Variants in PIWIL2 observed in about 807,000 individuals in gnomAD.
The protein encoded by PIWIL2 is piwi-like protein 2.
Under a neutral mutation model 116.5 loss-of-function variants are expected in PIWIL2, and 81 were observed. That is an observed-to-expected ratio of 0.70 (90% CI 0.58 to 0.84). The LOEUF is 0.84. Ranked by LOEUF, PIWIL2 falls within the 40% of genes least tolerant of loss-of-function variation. PIWIL2 has a pLI of 0.00. For missense variants in PIWIL2, 1,272 were observed against 1,212.3 expected, an observed-to-expected ratio of 1.05 and a Z score of -0.73; for synonymous variants, 489 against 429.5, an observed-to-expected ratio of 1.14 and a Z score of -1.71.
intron 20 of PIWIL2, chr8:22,321,785 T>A (rs765020591): frequency 7.6e-6 from 6 of 788,396 alleles, no homozygotes; most frequent in East Asian, 1.3e-4. Context: ...CAAATTTGCT[T>A]TGGGGTTCTA....
At chr8:22,325,228 A>G (rs919827877) in intron 20 of PIWIL2, among the ~76,000 whole-genome samples, 1 of 152,194 alleles carries the variant, frequency 6.6e-6, no homozygotes, top group African/African-American at 2.4e-5. Context: ...CCTTCGATTC[A>G]GCAGAAAAAG....
intron 17 of PIWIL2, 72 bp downstream of exon 17, chr8:22,314,501 T>C (rs1378779481): frequency 2.9e-6 from 2 of 691,066 alleles, no homozygotes; most frequent in Non-Finnish European, 4.7e-6. Flanking sequence ...GAGGGATATG[T>C]GTGTTCACAA....
chr8:22,347,825 CAG>C (rs962018815), intron 20 of PIWIL2, among the ~76,000 whole-genome samples: 7 of 152,100 alleles, frequency 4.6e-5, no homozygotes, highest in African/African-American at 1.7e-4. Context: ...CCACTCCTGG[CAG>C]ACTCATTCTT....
Position 22,279,428 on chromosome 8 carries a change from C to G in PIWIL2, c.42C>G (p.Ile14Met). The G allele has an allele frequency of 6.2e-7, 1 of 1,614,164 alleles. No individual in the cohort carries two copies. The highest frequency in any genetic ancestry group is 8.5e-7 in the Non-Finnish European group (1 of 1,180,004). ...FRPSFRGQSP[I>M]HPSQCQAVRM... ...CATCGTTCAGGGGCCAGTCTCCTAT[C>G]CACCCATCCCAGTGCCAGGCTGTAC... The change falls in exon 2 of 23, where the codon ATC becomes ATG. Residue 14 changes from isoleucine to methionine, a missense_variant. By Grantham distance (10) the Ile-to-Met change is conservative. Transcript: ENST00000356766.
intron 17 of PIWIL2, among the ~76,000 whole-genome samples, chr8:22,314,641 C>G (rs753089448): frequency 1.3e-5 from 2 of 152,164 alleles, no homozygotes; most frequent in Admixed American, 6.5e-5. Context: ...TGAACAGTTT[C>G]GCTTGTTCCG....
At chr8:22,351,264 G>T (rs1391129988) in intron 20 of PIWIL2, among the ~76,000 whole-genome samples, 1 of 150,700 alleles carries the variant, frequency 6.6e-6, no homozygotes, top group South Asian at 2.1e-4. Context: ...AGCTGCAGTG[G>T]CTATGATTAC....
At chr8:22,282,024 C>T (rs1418453778) in intron 4 of PIWIL2, among the ~76,000 whole-genome samples, 1 of 149,656 alleles carries the variant, frequency 6.7e-6, no homozygotes, top group Non-Finnish European at 1.5e-5. Context: ...CCACCCACCT[C>T]GGCCTCCCAA....
rs766567755 is a variant in PIWIL2, at chr8:22,353,212, G to A, written c.2657G>A (p.Trp886Ter). 6.2e-7 allele frequency: 1 copy of A among 1,607,964 alleles called. No individual in the cohort carries two copies. The change falls in exon 21 of 23, where the codon TGG (tryptophan) becomes TAG (stop). Residue 886 changes from tryptophan to a stop codon, truncating the protein, a stop_gained and splice_region_variant. Transcript: ENST00000356766. LOFTEE classifies it high-confidence loss of function. ...VVDHTITSCE[W>*]VDFYLLAHHV... ...GATCATACAATAACAAGCTGTGAGT[G>A]GTAAGTGAGCAAAATATGTAGTATT...
chr8:22,353,121 A>G lies in PIWIL2; in HGVS notation c.2566A>G (p.Ile856Val), dbSNP rs1324911826. The part of the protein sequence containing the change: ...KMVVFVVQKK[I>V]STNLYLAAPQ... ...GGTGGTGTTTGTAGTTCAGAAGAAA[A>G]TCAGTACTAATCTATATCTGGCTGC... The change falls in exon 21 of 23, where the codon ATC becomes GTC. Residue 856 changes from isoleucine (I) to valine (V), a missense_variant. Coordinates refer to ENST00000356766, the MANE Select transcript of PIWIL2 (RefSeq NM_018068.5). The G allele has an allele frequency of 6.2e-7, 1 of 1,614,024 alleles. No individual in the cohort carries two copies. Among genetic ancestry groups the G allele is most frequent in the Non-Finnish European group, 8.5e-7 (1 of 1,179,848 alleles).
intron 21 of PIWIL2, among the ~76,000 whole-genome samples, chr8:22,353,616 C>A (rs1832423329): frequency 6.6e-6 from 1 of 151,944 alleles, no homozygotes; most frequent in Non-Finnish European, 1.5e-5. Context: ...CCAGCCTGGG[C>A]AACAGAGAGA....
At chr8:22,278,202 A>G (rs1259102554) in intron 1 of PIWIL2, among the ~76,000 whole-genome samples, 5 of 151,482 alleles carry the variant, frequency 3.3e-5, no homozygotes, top group Non-Finnish European at 7.4e-5. Context: ...GAAATTGTTT[A>G]TAAACCAAAG....
chr8:22,278,449 G>A (rs981971010), intron 1 of PIWIL2, among the ~76,000 whole-genome samples: 2 of 152,192 alleles, frequency 1.3e-5, no homozygotes, highest in Non-Finnish European at 1.5e-5. Context: ...GAGCCCAGGA[G>A]GTCAAGGCTG....
chr8:22,303,654 G>C (rs753001338), intron 10 of PIWIL2, among the ~76,000 whole-genome samples: 1 of 152,070 alleles, frequency 6.6e-6, no homozygotes, highest in Non-Finnish European at 1.5e-5. Flanking sequence ...TTAGCCTCTC[G>C]AATAGCTGGG....
chr8:22,291,181 C>T (rs1298986758), intron 10 of PIWIL2, among the ~76,000 whole-genome samples: 3 of 150,644 alleles, frequency 2.0e-5, no homozygotes, highest in African/African-American at 7.3e-5. Context: ...GAGAGAGTCT[C>T]TCTCTGTTGC....
intron 20 of PIWIL2, among the ~76,000 whole-genome samples, chr8:22,333,483 A>G (rs973671220): frequency 6.6e-6 from 1 of 152,052 alleles, no homozygotes; most frequent in African/African-American, 2.4e-5. Flanking sequence ...ATGGTGGCAC[A>G]TGCCTGTAAT....
chr8:22,279,424 C>T lies in PIWIL2; in HGVS notation c.38C>T (p.Pro13Leu). ...PFRPSFRGQS[P>L]IHPSQCQAVR... ...CGACCATCGTTCAGGGGCCAGTCTC[C>T]TATCCACCCATCCCAGTGCCAGGCT... is the stretch of plus-strand genomic sequence containing the variant. Residue 13 changes from proline to leucine, a missense_variant, in exon 2 of 23, where the codon CCT becomes CTT. Physicochemically the swap from Pro to Leu is moderately conservative, Grantham distance 98. Transcript: ENST00000356766. 6.2e-7 allele frequency: 1 copy of T among 1,614,206 alleles called. No individual in the cohort carries two copies. Among genetic ancestry groups the T allele is most frequent in the Non-Finnish European group, 8.5e-7 (1 of 1,180,012 alleles).
chr8:22,283,844 T>C (rs1246270956), intron 5 of PIWIL2, among the ~76,000 whole-genome samples: 3 of 152,244 alleles, frequency 2.0e-5, no homozygotes, highest in Non-Finnish European at 4.4e-5. Flanking sequence ...GGAAATAATT[T>C]AGGAAGAATA....
intron 18 of PIWIL2, among the ~76,000 whole-genome samples, chr8:22,315,349 T>C (rs777844812): frequency 2.0e-5 from 3 of 152,228 alleles, no homozygotes; most frequent in Non-Finnish European, 2.9e-5. Context: ...GGATTCTTGT[T>C]CTTGTCGCCC....
Position 22,335,971 on chromosome 8 carries a change from A to G in PIWIL2, c.2404-16988A>G, listed in dbSNP as rs529505583. On this transcript the variant is annotated intron_variant, in intron 20 of 22. Coordinates refer to ENST00000356766, the MANE Select transcript of PIWIL2 (RefSeq NM_018068.5). ...GACATAACAATTACAATATATGTGCACCTAACAGTAGAGACCCAAAAACAG... is the reference window on the plus strand; with the variant it reads ...GACATAACAATTACAATATATGTGCGCCTAACAGTAGAGACCCAAAAACAG... Among the ~76,000 whole-genome samples the G allele has an allele frequency of 5.3e-5, 8 of 152,332 alleles. No homozygotes were observed. In the South Asian group the frequency reaches 1.7e-3, roughly 32 times the overall value.
Sources: gnomAD v4.1 joint callset for allele counts (sites outside exome capture counted in the v4.1 genomes callset) on GRCh38, gnomAD v4.1.1 for gene constraint, MANE v1.5 for transcripts, NCBI Gene and HGNC (gene_info 2026-07-23, HGNC 2026-07-21) for gene names.